The following PEG3 variants were observed in gnomAD, a reference collection of about 807,000 sequenced individuals.
PEG3 encodes the protein paternally expressed 3, also known as paternally-expressed gene 3 protein.
Under a neutral mutation model 35.5 loss-of-function variants are expected in PEG3, and 23 were observed. The ratio of observed to expected loss-of-function variants is 0.65; its 90% CI spans 0.47 to 0.92. The LOEUF (loss-of-function observed/expected upper bound fraction) is 0.92, where lower values mean the gene tolerates loss of function less well. Among genes scored for constraint, PEG3 ranks in the 40% least tolerant of loss-of-function variants. The pLI, the probability that PEG3 is intolerant of heterozygous loss-of-function variation, is 0.00. For synonymous variants in PEG3, 707 were observed against 697.0 expected, an observed-to-expected ratio of 1.01 and a Z score of -0.23; for missense variants, 1,960 against 1,985.3, an observed-to-expected ratio of 0.99 and a Z score of 0.24.
rs755680302 is a variant in PEG3 at position 56,814,113 on chromosome 19, GGCCTCTCCATTTGGCTGTCCA to G, written c.4308_4328del (p.Gly1437_Ala1443del). On this transcript the variant is annotated inframe_deletion, in exon 10 of 10. Transcript: ENST00000326441. This position sits in a 1 kb window ranked among gnomAD's most constrained non-coding sequence, Gnocchi z 5.8. ...CATCAGCATCCCCATTTGGCTGCTCGGCCTCTCCATTTGGCTGTCCAGCCTCTCCAATGGGCTCTGCAGCCT... is the reference window on the plus strand; with the variant it reads ...CATCAGCATCCCCATTTGGCTGCTCGGCCTCTCCAATGGGCTCTGCAGCCT... 5.0e-6 allele frequency: 8 copies of G among 1,613,802 alleles called. No individual in the cohort carries two copies. Among genetic ancestry groups the G allele is most frequent in the Middle Eastern group, 1.6e-4 (1 of 6,062 alleles).
At position 56,814,088 on chromosome 19, in the gene PEG3, C is replaced by T. The variant is rs1568614297; in HGVS notation, c.4354G>A (p.Glu1452Lys). The T allele has an allele frequency of 1.9e-6, 3 of 1,614,176 alleles. No individual in the cohort carries two copies. Among genetic ancestry groups the T allele is most frequent in the Non-Finnish European group, 2.5e-6 (3 of 1,180,032 alleles). The change falls in exon 10 of 10, where the codon GAG becomes AAG. Residue 1452 changes from glutamate (E) to lysine (K), a missense_variant. Glu to Lys is a moderately conservative substitution (Grantham distance 56). This residue lies in a region of PEG3 where 416 missense variants were observed against 416.7 expected (regional missense o/e 1.00). Coordinates refer to ENST00000326441, the MANE Select transcript of PEG3 (RefSeq NM_006210.3). The surrounding 1 kb of genome is among the most constrained non-coding windows in gnomAD (Gnocchi z 5.8). ...TCTTCAATACCTGCACCATCTGGCT[C>T]ATCAGCATCCCCATTTGGCTGCTCG... ...EAEQPNGDAD[E>K]PDGAGIEDPE...
chr19:56,839,834 G>A (rs1326811767), intron 1 of PEG3, among the ~76,000 whole-genome samples: 4 of 150,752 alleles, frequency 2.7e-5, no homozygotes, highest in African/African-American at 7.3e-5. Context: ...TGGGGCTTGA[G>A]CAGACGATTA....
In PEG3 at chr19:56,816,358, A is replaced by C; in HGVS notation, c.2084T>G (p.Met695Arg). 1 of 1,614,194 alleles carries C rather than the reference A, an allele frequency of 6.2e-7. No individual in the cohort carries two copies. The highest frequency in any genetic ancestry group is 8.5e-7 in the Non-Finnish European group (1 of 1,180,032). ...CDFTDGRDAF[M>R]QSSELSEHQK... ...ATGCTCACTGAGCTCTGAGCTTTGC[A>C]TGAAGGCATCCCGGCCATCTGTAAA... The change falls in exon 10 of 10, where the codon ATG becomes AGG. Residue 695 changes from methionine to arginine, a missense_variant. This residue lies in a region of PEG3 where 798 missense variants were observed against 782.4 expected (regional missense o/e 1.02). Coordinates refer to ENST00000326441, the MANE Select transcript of PEG3 (RefSeq NM_006210.3).
chr19:56,829,265 A>AC (rs1002636811), intron 2 of PEG3, among the ~76,000 whole-genome samples: 52 of 150,032 alleles, frequency 3.5e-4, no homozygotes, highest in African/African-American at 1.3e-3. Context: ...AATCACTTGG[A>AC]CCCAGGAGGC....
rs2146084825 is a variant in PEG3 at position 56,811,609 on chromosome 19, CAAT to C, written c.*2063_*2065del. 1.0e-6 allele frequency: 1 copy of C among 985,388 alleles called. No homozygotes were observed. The highest frequency in any genetic ancestry group is 4.7e-5 in the South Asian group (1 of 21,286). 61.0% of individuals were successfully genotyped at this position (985,388 alleles called of 1,614,324 possible). On this transcript the variant is annotated 3_prime_UTR_variant, in exon 10 of 10. Transcript: ENST00000326441. ...TCTGAAAAGGGGCTACCACTGCCAA[CAAT>C]GTTAACACCAAGTAATGTACCCACA...
intron 3 of PEG3, 88 bp downstream of exon 3, chr19:56,826,300 G>C (rs2061026522): frequency 6.6e-6 from 1 of 152,212 alleles, no homozygotes; most frequent in Admixed American, 6.5e-5. Flanking sequence ...CTGTTATGTG[G>C]CAGACAGACT....
intron 7 of PEG3, among the ~76,000 whole-genome samples, chr19:56,819,137 T>G (rs1394705304): frequency 6.6e-6 from 1 of 151,802 alleles, no homozygotes. Context: ...TAGAAAGGGA[T>G]TGGTGGGAAA....
chr19:56,817,669 G>A (rs2060105831), intron 9 of PEG3, 77 bp downstream of exon 9: 3 of 1,531,320 alleles, frequency 2.0e-6, no homozygotes, highest in Non-Finnish European at 9.0e-7. Flanking sequence ...TGATGTTTAG[G>A]AATGCAAAGT....
At chr19:56,832,209 G>A (rs1327516537) in intron 2 of PEG3, among the ~76,000 whole-genome samples, 1 of 152,164 alleles carries the variant, frequency 6.6e-6, no homozygotes, top group African/African-American at 2.4e-5. Context: ...TGCAATTACT[G>A]TTTCCTAGCG....
rs752807057 is a variant in PEG3, at chr19:56,816,204, G to A, written c.2238C>T (p.Asp746=). The change falls in exon 10 of 10, where the codon GAC becomes GAT. Residue 746 remains aspartate (D), a synonymous_variant. Coordinates refer to ENST00000326441, the MANE Select transcript of PEG3 (RefSeq NM_006210.3). ...TITRPLESDE[D]EKAFTISSNP... The stretch of plus-strand genomic sequence containing the variant: ...TAGAGCTAATGGTGAACGCCTTTTC[G>A]TCCTCATCACTTTCAAGAGGTCTTG... The A allele has an allele frequency of 1.6e-4, 253 of 1,613,948 alleles. 2 individuals carry two copies. In the South Asian group the frequency reaches 2.3e-3, roughly 15 times the overall value.
Position 56,811,680 on chromosome 19 carries a change from C to T in PEG3, c.*1995G>A. ...AACACTGATTCTCGTTTCAAGAGTC[C>T]TTTTCCCATGTAGTAAACCTCACTG... On this transcript the variant is annotated 3_prime_UTR_variant, in exon 10 of 10. Transcript: ENST00000326441. The T allele has an allele frequency of 1.0e-6, 1 of 985,390 alleles. No homozygotes were observed. Among genetic ancestry groups the T allele is most frequent in the Non-Finnish European group, 1.2e-6 (1 of 829,876 alleles). 61.0% of individuals were successfully genotyped at this position (985,390 alleles called of 1,614,324 possible). A position where few individuals can be genotyped will look rare whatever the true frequency, so the allele number is the denominator to read the frequency against.
In PEG3 at chr19:56,817,311, A is replaced by C; in HGVS notation, c.1131T>G (p.Phe377Leu). ...EGNAFRGGFR[F>L]NSTLVSRKRV... ...TCTTTCTGGAAACAAGGGTTGAATT[A>C]AACCTAAAGCCTCCCCTAAATGCAT... is the stretch of plus-strand genomic sequence containing the variant. The change falls in exon 10 of 10, where the codon TTT (phenylalanine) becomes TTG (leucine). Residue 377 changes from phenylalanine (F) to leucine (L), a missense_variant. This residue lies in a region of PEG3 where 613 missense variants were observed against 577.1 expected (regional missense o/e 1.06). Coordinates refer to ENST00000326441, the MANE Select transcript of PEG3 (RefSeq NM_006210.3). The C allele has an allele frequency of 6.2e-7, 1 of 1,614,138 alleles. No homozygotes were observed. The highest frequency in any genetic ancestry group is 8.5e-7 in the Non-Finnish European group (1 of 1,180,010).
In PEG3 at chr19:56,816,801, GC is replaced by G; in HGVS notation, c.1640del (p.Ser547ThrfsTer32). The G allele has an allele frequency of 6.2e-7, 1 of 1,614,092 alleles. No individual in the cohort carries two copies. Among genetic ancestry groups the G allele is most frequent in the Non-Finnish European group, 8.5e-7 (1 of 1,179,978 alleles). On this transcript the variant is annotated frameshift_variant, in exon 10 of 10. Transcript: ENST00000326441. LOFTEE classifies it low-confidence loss of function (END_TRUNC). ...NQECEEAFMP[S>X]PTFSELQKIY... ...TTTTCTGAAGCTCACTAAAGGTGGGGCTAGGCATGAAGGCTTCCTCACATTC... is the reference window on the plus strand; with the variant it reads ...TTTTCTGAAGCTCACTAAAGGTGGGGTAGGCATGAAGGCTTCCTCACATTC...
In PEG3 at chr19:56,814,332, TGCTGCTGCTGCA is replaced by T. The variant is rs765862516; in HGVS notation, c.4098_4109del (p.Ala1368_Ala1371del). On this transcript the variant is annotated inframe_deletion, in exon 10 of 10. Transcript: ENST00000326441. This position sits in a 1 kb window ranked among gnomAD's most constrained non-coding sequence, Gnocchi z 5.8. ...GGACATTGGCTTCAACTTCCTGGGCTGCTGCTGCTGCAGCTGCTGCTGCTTCATCTTCTTCTT... is the reference window on the plus strand; with the variant it reads ...GGACATTGGCTTCAACTTCCTGGGCTGCTGCTGCTGCTTCATCTTCTTCTT... 1.1e-5 allele frequency: 18 copies of T among 1,612,384 alleles called. No individual in the cohort carries two copies. The highest frequency in any genetic ancestry group is 6.7e-5 in the Admixed American group (4 of 59,994).
In PEG3 at chr19:56,818,198, C is replaced by T. The variant is rs374472396; in HGVS notation, c.773-363G>A. ...CTTCCTCCACCCACTCCCTTGAGGCCCCATGGCCTTACAGACCTGCAGCAC... is the reference window on the plus strand; with the variant it reads ...CTTCCTCCACCCACTCCCTTGAGGCTCCATGGCCTTACAGACCTGCAGCAC... On this transcript the variant is annotated intron_variant, in intron 8 of 9. Coordinates refer to ENST00000326441, the MANE Select transcript of PEG3 (RefSeq NM_006210.3). Among the ~76,000 whole-genome samples the T allele has an allele frequency of 5.3e-5, 8 of 152,310 alleles. No homozygotes were observed. In the East Asian group the frequency reaches 1.4e-3, roughly 26 times the overall value.
In PEG3 at chr19:56,816,781, T is replaced by C. The variant is rs1197326704; in HGVS notation, c.1661A>G (p.Gln554Arg). The change falls in exon 10 of 10, where the codon CAG becomes CGG. Residue 554 changes from glutamine (Q) to arginine (R), a missense_variant. By Grantham distance (43) the Gln-to-Arg change is conservative. Coordinates refer to ENST00000326441, the MANE Select transcript of PEG3 (RefSeq NM_006210.3). ...GAATTTGTCTTTGCCATATATTTTC[T>C]GAAGCTCACTAAAGGTGGGGCTAGG... ...FMPSPTFSEL[Q>R]KIYGKDKFYE... The C allele has an allele frequency of 1.9e-6, 3 of 1,614,180 alleles. No individual in the cohort carries two copies. Among genetic ancestry groups the C allele is most frequent in the Non-Finnish European group, 2.5e-6 (3 of 1,180,024 alleles).
intron 4 of PEG3, 62 bp from the exon 5 acceptor site, chr19:56,823,741 C>T (rs2060737028): frequency 6.3e-7 from 1 of 1,582,350 alleles, no homozygotes; most frequent in South Asian, 1.1e-5. Context: ...TAGTTCCCCC[C>T]AATCCCTGAG....
intron 2 of PEG3, among the ~76,000 whole-genome samples, chr19:56,832,938 G>A (rs1006021293): frequency 3.3e-5 from 5 of 152,186 alleles, no homozygotes; most frequent in Non-Finnish European, 5.9e-5. Flanking sequence ...ATTAAAATGA[G>A]TAGGAAATAA....
At chr19:56,828,078 A>T (rs2061229336) in intron 2 of PEG3, among the ~76,000 whole-genome samples, 1 of 152,228 alleles carries the variant, frequency 6.6e-6, no homozygotes, top group Non-Finnish European at 1.5e-5. Context: ...ACAATAAACA[A>T]AACTACCAGT....
Sources: allele counts gnomAD v4.1 joint callset (sites outside exome capture counted in the v4.1 genomes callset), GRCh38; gene constraint gnomAD v4.1.1; regional missense constraint gnomAD v4.1.1; non-coding constraint Gnocchi (gnomAD v3.1); transcripts MANE v1.5; gene names NCBI Gene and HGNC (gene_info 2026-07-23, HGNC 2026-07-21).